The following MECOM variants were observed in gnomAD, a reference collection of about 807,000 sequenced individuals.
The protein encoded by MECOM is MDS1 and EVI1 complex locus, also known as histone-lysine N-methyltransferase MECOM.
MECOM carries 13 observed loss-of-function variants against 116.3 expected under a neutral mutation model. The ratio of observed to expected loss-of-function variants is 0.11; its 90% CI spans 0.07 to 0.18. The LOEUF is 0.18. Among genes scored for constraint, MECOM ranks in the 10% least tolerant of loss-of-function variants. The pLI is 1.00. For missense variants in MECOM, 1,299 were observed against 1,509.0 expected, an observed-to-expected ratio of 0.86 and a Z score of 2.31; for synonymous variants, 528 against 535.2, an observed-to-expected ratio of 0.99 and a Z score of 0.19.
chr3:169,126,453 A>T (rs574151784), intron 5 of MECOM, among the ~76,000 whole-genome samples: 11 of 151,910 alleles, frequency 7.2e-5, no homozygotes, highest in African/African-American at 2.7e-4. Context: ...CATTTTTTTT[A>T]AATTTGGGCA....
At chr3:169,523,880 C>A (rs1757644677) in intron 1 of MECOM, among the ~76,000 whole-genome samples, 1 of 109,902 alleles carries the variant, frequency 9.1e-6, no homozygotes. Flanking sequence ...TATATACACA[C>A]ATATATACAC....
chr3:169,125,415 T>C (rs558039847), intron 5 of MECOM, among the ~76,000 whole-genome samples: 2 of 152,236 alleles, frequency 1.3e-5, no homozygotes, highest in Middle Eastern at 6.8e-3. Context: ...TATCAAATCA[T>C]AAACCCTGAA....
intron 1 of MECOM, among the ~76,000 whole-genome samples, chr3:169,654,595 C>T (rs963410688): frequency 2.0e-5 from 3 of 152,110 alleles, no homozygotes; most frequent in African/African-American, 7.2e-5. Flanking sequence ...TGCCCAACCC[C>T]CAGCCCACAA....
chr3:169,661,797 G>A (rs1486920888), intron 1 of MECOM, among the ~76,000 whole-genome samples: 2 of 152,140 alleles, frequency 1.3e-5, no homozygotes, highest in African/African-American at 4.8e-5. Flanking sequence ...AGGGTCGCGC[G>A]GGGGGAGACT....
At chr3:169,487,635 A>G (rs1465956615) in intron 1 of MECOM, among the ~76,000 whole-genome samples, 1 of 152,152 alleles carries the variant, frequency 6.6e-6, no homozygotes, top group Admixed American at 6.5e-5. Context: ...CAGGGCAAAT[A>G]CAAAACAGAA....
rs530328339 is a variant in MECOM at position 169,553,218 on chromosome 3, T to C, written c.37+110118A>G. Among the ~76,000 whole-genome samples, 20 of 152,290 alleles carry C rather than the reference T, an allele frequency of 1.3e-4. No homozygotes were observed. The South Asian group carries it at 3.1e-3, about 24-fold the overall frequency. On this transcript the variant is annotated intron_variant, in intron 1 of 16. Coordinates refer to ENST00000651503, the MANE Select transcript of MECOM (RefSeq NM_004991.4). Reference sequence around the variant, plus strand: ...TCAAAATCCTCCTATGTGCCAGGCATTTTTGAGGCATTAAGAATAGAATTT... The same window carrying C: ...TCAAAATCCTCCTATGTGCCAGGCACTTTTGAGGCATTAAGAATAGAATTT...
chr3:169,143,173 ATACC>A (rs2149283373), intron 3 of MECOM, among the ~76,000 whole-genome samples: 1 of 152,208 alleles, frequency 6.6e-6, no homozygotes, highest in South Asian at 2.1e-4. Context: ...TTTTTAACAT[ATACC>A]AAAAAAAGTA....
chr3:169,298,831 G>C (rs982517269), intron 2 of MECOM, among the ~76,000 whole-genome samples: 6 of 152,178 alleles, frequency 3.9e-5, no homozygotes, highest in Non-Finnish European at 7.3e-5. Flanking sequence ...TGTGGTTTCA[G>C]GAAGTGAACT....
At chr3:169,359,796 A>G (rs1266985961) in intron 2 of MECOM, among the ~76,000 whole-genome samples, 1 of 151,796 alleles carries the variant, frequency 6.6e-6, no homozygotes, top group East Asian at 1.9e-4. Flanking sequence ...CTTATTAAAC[A>G]TTCCAATTAA....
chr3:169,662,892 C>T (rs1776497129), intron 1 of MECOM, among the ~76,000 whole-genome samples: 1 of 152,060 alleles, frequency 6.6e-6, no homozygotes. Context: ...CCCCCGCGCC[C>T]CCCTCCTCCC....
intron 2 of MECOM, among the ~76,000 whole-genome samples, chr3:169,199,505 C>G (rs1438486998): frequency 6.6e-6 from 1 of 152,074 alleles, no homozygotes; most frequent in South Asian, 2.1e-4. Flanking sequence ...TCTCAAACTC[C>G]TGGCCTCAAG....
intron 2 of MECOM, among the ~76,000 whole-genome samples, chr3:169,321,737 G>A (rs1441733243): frequency 2.0e-5 from 3 of 152,056 alleles, no homozygotes; most frequent in Non-Finnish European, 4.4e-5. Context: ...AACACTTAAG[G>A]GAGGAGGTCA....
At chr3:169,375,823 A>G (rs376575876) in intron 2 of MECOM, among the ~76,000 whole-genome samples, 301 of 152,302 alleles carry the variant, frequency 2.0e-3, no homozygotes, top group African/African-American at 6.9e-3. Flanking sequence ...TCCCTAACTC[A>G]TTTTATGAGG....
chr3:169,085,144 TA>T, intron 16 of MECOM, 101 bp from the exon 17 acceptor site: 1 of 1,422,772 alleles, frequency 7.0e-7, no homozygotes, highest in Non-Finnish European at 9.7e-7. Context: ...GGACCCTGAG[TA>T]GGGGCATCCT....
At chr3:169,495,557 C>T (rs533170576) in intron 1 of MECOM, among the ~76,000 whole-genome samples, 1 of 152,244 alleles carries the variant, frequency 6.6e-6, no homozygotes, top group East Asian at 1.9e-4. Context: ...GTTGAAACAA[C>T]TTTTAATTAC....
At chr3:169,329,861 G>A (rs1014507545) in intron 2 of MECOM, among the ~76,000 whole-genome samples, 1 of 152,114 alleles carries the variant, frequency 6.6e-6, no homozygotes, top group East Asian at 1.9e-4. Flanking sequence ...AAAGTGTGTC[G>A]ACCTATAAGA....
intron 2 of MECOM, chr3:169,146,325 G>A: frequency 7.7e-7 from 1 of 1,293,318 alleles, no homozygotes; most frequent in Non-Finnish European, 1.0e-6. Flanking sequence ...GCCGAGAGCG[G>A]CTCCAAAGTC....
chr3:169,233,729 TAAAC>T (rs928231427), intron 2 of MECOM, among the ~76,000 whole-genome samples: 4 of 152,076 alleles, frequency 2.6e-5, no homozygotes, highest in African/African-American at 9.7e-5. Flanking sequence ...ATAGCCAAAA[TAAAC>T]AGGGTTAAGA....
chr3:169,411,026 G>C (rs545339215), intron 1 of MECOM, among the ~76,000 whole-genome samples: 5 of 152,024 alleles, frequency 3.3e-5, no homozygotes, highest in Admixed American at 3.3e-4. Flanking sequence ...TAGTAATCTT[G>C]TCTATCTCCA....
Sources: allele counts gnomAD v4.1 joint callset (sites outside exome capture counted in the v4.1 genomes callset), GRCh38; gene constraint gnomAD v4.1.1; transcripts MANE v1.5; gene names NCBI Gene and HGNC (gene_info 2026-07-23, HGNC 2026-07-21).